Variants in CDH17 observed in about 807,000 individuals in gnomAD.
The protein encoded by CDH17 is cadherin 17, also known as cadherin-17.
CDH17 carries 67 observed loss-of-function variants against 86.3 expected under a neutral mutation model. The observed-to-expected ratio is 0.78, with a 90% CI of 0.64 to 0.95. The LOEUF is 0.95. Among genes scored for constraint, CDH17 ranks in the 40% least tolerant of loss-of-function variants. The pLI, the probability that CDH17 is intolerant of heterozygous loss-of-function variation, is 0.00. For missense variants in CDH17, 993 were observed against 1,017.6 expected, an observed-to-expected ratio of 0.98 and a Z score of 0.33; for synonymous variants, 367 against 366.4, an observed-to-expected ratio of 1.00 and a Z score of -0.02.
In CDH17 at chr8:94,128,324, A is replaced by T; in HGVS notation, c.2415T>A (p.Val805=). The T allele has an allele frequency of 6.2e-7, 1 of 1,610,290 alleles. No individual in the cohort carries two copies. The highest frequency in any genetic ancestry group is 8.5e-7 in the Non-Finnish European group (1 of 1,177,100). Residue 805 remains valine, a synonymous_variant, in exon 18 of 18, where the codon GTT becomes GTA. Transcript: ENST00000027335. ...TLLVIGIILA[V]VFIRIKKDKG... ...TATCCTTCTTTATGCGGATAAACAC[A>T]ACTGCTAAAATTATACCTAAAAGAA...
chr8:94,135,985 A>G (rs899299059), intron 15 of CDH17, among the ~76,000 whole-genome samples: 1 of 152,000 alleles, frequency 6.6e-6, no homozygotes, highest in Non-Finnish European at 1.5e-5. Context: ...ATTGGCCCCC[A>G]CTCTCTTCTG....
intron 15 of CDH17, among the ~76,000 whole-genome samples, chr8:94,137,575 C>A (rs1329070912): frequency 6.6e-6 from 1 of 152,096 alleles, no homozygotes. Flanking sequence ...AAAGGGAAAT[C>A]ACCTCACCCT....
intron 9 of CDH17, among the ~76,000 whole-genome samples, chr8:94,168,397 C>G (rs1278358853): frequency 1.3e-5 from 2 of 150,786 alleles, no homozygotes; most frequent in Non-Finnish European, 2.9e-5. Flanking sequence ...TCTTGGCCTC[C>G]CAAAGTGCTG....
chr8:94,180,961 C>T (rs866228216), intron 3 of CDH17, among the ~76,000 whole-genome samples: 2 of 114,888 alleles, frequency 1.7e-5, no homozygotes, highest in African/African-American at 3.3e-5. Context: ...AAAAAAAAAA[C>T]AAAGTGCTGA....
chr8:94,180,943 C>CAAAAAAAAAAAAAAAAAACCA (rs59930370), intron 3 of CDH17, among the ~76,000 whole-genome samples: 1 of 69,784 alleles, frequency 1.4e-5, no homozygotes, highest in Non-Finnish European at 3.2e-5. Context: ...ACAAACAAAC[C>CAAAAAAAAAAAAAAAAAACCA]AAAAAAAAAA....
chr8:94,177,672 T>C lies in CDH17; in HGVS notation c.200A>G (p.Asp67Gly). The change falls in exon 4 of 18, where the codon GAC (aspartate) becomes GGC (glycine). Residue 67 changes from aspartate to glycine, a missense_variant. By Grantham distance (94) the Asp-to-Gly change is moderately conservative (BLOSUM62 -1). Coordinates refer to ENST00000027335, the MANE Select transcript of CDH17 (RefSeq NM_004063.4). ...AVTFELTGETDNIFVIEREGL... is the reference protein window; with the variant it reads ...AVTFELTGETGNIFVIEREGL... ...CTCCCGTTCTATCACAAATATGTTGTCTGTCTCCCCAGTTAGTTCAAAAGT... is the reference window on the plus strand; with the variant it reads ...CTCCCGTTCTATCACAAATATGTTGCCTGTCTCCCCAGTTAGTTCAAAAGT... 1 of 1,613,816 alleles carries C rather than the reference T, an allele frequency of 6.2e-7. No homozygotes were observed. The highest frequency in any genetic ancestry group is 8.5e-7 in the Non-Finnish European group (1 of 1,179,806).
intron 12 of CDH17, 69 bp downstream of exon 12, chr8:94,159,902 C>A: frequency 1.6e-6 from 2 of 1,271,010 alleles, no homozygotes; most frequent in South Asian, 2.9e-5. Flanking sequence ...GCTTATAGGT[C>A]TTCACACTGT....
At chr8:94,198,257 T>TA (rs987142867) in intron 1 of CDH17, among the ~76,000 whole-genome samples, 2 of 152,222 alleles carry the variant, frequency 1.3e-5, no homozygotes, top group African/African-American at 4.8e-5. Context: ...CCAAGATTCA[T>TA]AAATTCCTTG....
chr8:94,192,161 T>C (rs940300428), intron 2 of CDH17, among the ~76,000 whole-genome samples: 5 of 152,188 alleles, frequency 3.3e-5, no homozygotes, highest in African/African-American at 4.8e-5. Flanking sequence ...CGTGCTTGTA[T>C]TGGGGCAACA....
chr8:94,151,997 A>T lies in CDH17; in HGVS notation c.1667T>A (p.Ile556Asn). The T allele has an allele frequency of 6.2e-7, 1 of 1,614,216 alleles. No individual in the cohort carries two copies. Among genetic ancestry groups the T allele is most frequent in the Non-Finnish European group, 8.5e-7 (1 of 1,180,022 alleles). ...AGGTGCTTCATTCACATCTGTCACAATAAGCGTGAACTTGGCAAAAGAACT... is the reference window on the plus strand; with the variant it reads ...AGGTGCTTCATTCACATCTGTCACATTAAGCGTGAACTTGGCAAAAGAACT... Reference protein sequence around the residue: ...NASSFAKFTLIVTDVNEAPQF... With the variant: ...NASSFAKFTLNVTDVNEAPQF... The change falls in exon 13 of 18, where the codon ATT becomes AAT. Residue 556 changes from isoleucine to asparagine, a missense_variant. Coordinates refer to ENST00000027335, the MANE Select transcript of CDH17 (RefSeq NM_004063.4).
chr8:94,189,838 T>C (rs1234199225), intron 2 of CDH17, among the ~76,000 whole-genome samples: 1 of 152,254 alleles, frequency 6.6e-6, no homozygotes, highest in Non-Finnish European at 1.5e-5. Context: ...CAAATTTGAA[T>C]CTGAATTTGA....
At chr8:94,197,603 C>A (rs1402919848) in intron 1 of CDH17, among the ~76,000 whole-genome samples, 1 of 151,984 alleles carries the variant, frequency 6.6e-6, no homozygotes, top group Non-Finnish European at 1.5e-5. Context: ...GAGGCTGAGG[C>A]AGGCAGATCA....
chr8:94,154,842 A>G (rs981358403), intron 12 of CDH17, among the ~76,000 whole-genome samples: 2 of 152,158 alleles, frequency 1.3e-5, no homozygotes, highest in Non-Finnish European at 2.9e-5. Flanking sequence ...CCTGACACAT[A>G]GTGCCCACAG....
At chr8:94,173,568 T>C (rs2130640895) in intron 7 of CDH17, among the ~76,000 whole-genome samples, 1 of 152,326 alleles carries the variant, frequency 6.6e-6, no homozygotes, top group East Asian at 1.9e-4. Context: ...AGGTATTTCT[T>C]TATAGCAATA....
rs1291542149 is a variant in CDH17 at position 94,151,998 on chromosome 8, T to A, written c.1666A>T (p.Ile556Phe). 8.7e-6 allele frequency: 14 copies of A among 1,614,210 alleles called. No homozygotes were observed. The East Asian group carries it at 3.1e-4, about 36-fold the overall frequency. The change falls in exon 13 of 18, where the codon ATT becomes TTT. Residue 556 changes from isoleucine (I) to phenylalanine (F), a missense_variant. Ile to Phe is a conservative substitution (Grantham distance 21). Coordinates refer to ENST00000027335, the MANE Select transcript of CDH17 (RefSeq NM_004063.4). ...NASSFAKFTL[I>F]VTDVNEAPQF... ...GGTGCTTCATTCACATCTGTCACAATAAGCGTGAACTTGGCAAAAGAACTT... is the reference window on the plus strand; with the variant it reads ...GGTGCTTCATTCACATCTGTCACAAAAAGCGTGAACTTGGCAAAAGAACTT...
At chr8:94,189,756 A>G (rs1026126982) in intron 2 of CDH17, among the ~76,000 whole-genome samples, 7 of 152,232 alleles carry the variant, frequency 4.6e-5, no homozygotes, top group Non-Finnish European at 1.0e-4. Flanking sequence ...TTGAATTTAT[A>G]AGGGGGAGAA....
Position 94,137,702 on chromosome 8 carries a change from A to G in CDH17, c.2168-6710T>C, listed in dbSNP as rs565230840. Among the ~76,000 whole-genome samples the G allele has an allele frequency of 5.0e-3, 290 of 57,932 alleles. 2 individuals are homozygous for G. Among genetic ancestry groups the G allele is most frequent in the African/African-American group, 0.019 (280 of 14,690 alleles). 38.0% of individuals were successfully genotyped at this position (57,932 alleles called of 152,430 possible). On this transcript the variant is annotated intron_variant, in intron 15 of 17. Coordinates refer to ENST00000027335, the MANE Select transcript of CDH17 (RefSeq NM_004063.4). ...GCGCACTACATAAACTGCAAAAAGT[A>G]AAAAAAAACCTAACTAACTTAACAA... is the stretch of plus-strand genomic sequence containing the variant.
intron 15 of CDH17, among the ~76,000 whole-genome samples, chr8:94,134,879 C>CA (rs1224631274): frequency 2.0e-5 from 3 of 152,202 alleles, no homozygotes; most frequent in Middle Eastern, 3.4e-3. Flanking sequence ...TCATTGGTTT[C>CA]AAAAAACATC....
intron 15 of CDH17, among the ~76,000 whole-genome samples, chr8:94,140,153 G>T (rs1377905229): frequency 1.3e-5 from 2 of 152,126 alleles, no homozygotes; most frequent in Non-Finnish European, 2.9e-5. Flanking sequence ...CTGGCATGGT[G>T]GTTCACACCT....
Sources: allele counts gnomAD v4.1 joint callset (sites outside exome capture counted in the v4.1 genomes callset), GRCh38; gene constraint gnomAD v4.1.1; transcripts MANE v1.5; gene names NCBI Gene and HGNC (gene_info 2026-07-23, HGNC 2026-07-21).